Variants in EIF4B observed in about 807,000 individuals in gnomAD.
The protein encoded by EIF4B is eukaryotic translation initiation factor 4B.
EIF4B carries 8 observed loss-of-function variants against 79.3 expected under a neutral mutation model. The observed-to-expected ratio is 0.10, with a 90% CI of 0.06 to 0.18. The LOEUF is 0.18. Ranked by LOEUF, EIF4B falls within the 10% of genes least tolerant of loss-of-function variation. EIF4B has a pLI of 1.00. For synonymous variants in EIF4B, 238 were observed against 274.7 expected (o/e 0.87, Z 1.32); for missense variants, 515 against 792.4 (o/e 0.65, Z 4.20).
At chr12:53,022,839 G>A (rs1943269352) in intron 6 of EIF4B, among the ~76,000 whole-genome samples, 1 of 152,072 alleles carries the variant, frequency 6.6e-6, no homozygotes, top group Non-Finnish European at 1.5e-5. Context: ...ACCAAACAAA[G>A]GGACAGACAT....
chr12:53,038,435 G>T lies in EIF4B; in HGVS notation c.1576+24G>T, dbSNP rs1287921647. 4 of 1,561,472 alleles carry T rather than the reference G, an allele frequency of 2.6e-6. No individual in the cohort carries two copies. The Admixed American group carries it at 8.1e-5, about 32-fold the overall frequency. On this transcript the variant is annotated intron_variant, in intron 12 of 14. Transcript: ENST00000262056. The stretch of plus-strand genomic sequence containing the variant: ...AGGTGAGCTCATAGTATGGGAAATA[G>T]GTTTTTCACCTAGAAGCCTAAATAA...
In EIF4B at chr12:53,041,034, C is replaced by G. The variant is rs1184576725; in HGVS notation, c.*811C>G. 1 of 152,162 alleles carries G rather than the reference C, an allele frequency of 6.6e-6. No individual in the cohort carries two copies. Among genetic ancestry groups the G allele is most frequent in the Admixed American group, 6.5e-5 (1 of 15,280 alleles). 9.4% of individuals were successfully genotyped at this position (152,162 alleles called of 1,614,324 possible). On this transcript the variant is annotated 3_prime_UTR_variant, in exon 15 of 15. Transcript: ENST00000262056. ...GGTAATTCCCAGTGTTTTCTGTGTC[C>G]TAGTTTTACCCTTTCTAAACACTGT...
rs565101325 is a variant in EIF4B at position 53,039,295 on chromosome 12, G to A, written c.1634G>A (p.Arg545His). Residue 545 changes from arginine (R) to histidine (H), a missense_variant, in exon 13 of 15, where the codon CGT becomes CAT. By Grantham distance (29) the Arg-to-His change is conservative. Around this residue, in one of 6 missense-constraint regions of EIF4B, gnomAD observed 146 missense variants for 228.0 expected, o/e 0.64. Coordinates refer to ENST00000262056, the MANE Select transcript of EIF4B (RefSeq NM_001417.7). ...AAAGGCCAAACTGGGAACTCTAGCC[G>A]TGGTCCAGGCGACGGAGGGAACAGA... Reference protein sequence around the residue: ...APKGQTGNSSRGPGDGGNRDH... With the variant: ...APKGQTGNSSHGPGDGGNRDH... 1.3e-4 allele frequency: 209 copies of A among 1,611,204 alleles called. 1 individual carries two copies. In the South Asian group the frequency reaches 1.8e-3, roughly 14 times the overall value.
chr12:53,006,619 G>A (rs1449242995), intron 1 of EIF4B, 123 bp downstream of exon 1: 6 of 1,551,580 alleles, frequency 3.9e-6, no homozygotes, highest in Admixed American at 3.5e-5. Context: ...GAGGGCTGCG[G>A]CAGGCTGGCG....
intron 8 of EIF4B, 148 bp downstream of exon 8, chr12:53,028,336 G>A (rs1943376154): frequency 6.1e-6 from 7 of 1,148,694 alleles, no homozygotes; most frequent in Non-Finnish European, 8.3e-6. Flanking sequence ...AAGAGCATTG[G>A]CTGGCCAGGT....
chr12:53,019,653 A>G (rs987863185), intron 3 of EIF4B, among the ~76,000 whole-genome samples: 14 of 145,236 alleles, frequency 9.6e-5, no homozygotes, highest in Admixed American at 9.3e-4. Context: ...GGCATGAGCC[A>G]CTGCACCTGG....
chr12:53,038,303 G>T, intron 11 of EIF4B, 53 bp from the exon 12 acceptor site: 1 of 1,508,112 alleles, frequency 6.6e-7, no homozygotes, highest in Non-Finnish European at 9.0e-7. Flanking sequence ...ATGTTTCTTG[G>T]TTGTTTTCTC....
chr12:53,015,870 C>T (rs550426950), intron 1 of EIF4B, among the ~76,000 whole-genome samples: 15 of 149,400 alleles, frequency 1.0e-4, no homozygotes, highest in Non-Finnish European at 1.8e-4. Context: ...CCCAAGTATT[C>T]GGGAGGCTGA....
intron 10 of EIF4B, among the ~76,000 whole-genome samples, chr12:53,036,431 CAG>C (rs1024260891): frequency 2.0e-5 from 3 of 151,834 alleles, no homozygotes; most frequent in African/African-American, 4.8e-5. Context: ...ATTTTTAAGA[CAG>C]GGTTTCATTC....
intron 12 of EIF4B, chr12:53,038,937 A>G (rs1156384120): frequency 4.2e-6 from 1 of 240,436 alleles, no homozygotes; most frequent in Non-Finnish European, 8.0e-6. Context: ...ACGGGGAGAA[A>G]AAAATCGGAA....
chr12:53,035,643 C>T (rs986608898), intron 10 of EIF4B, among the ~76,000 whole-genome samples: 2 of 151,790 alleles, frequency 1.3e-5, no homozygotes, highest in Admixed American at 1.3e-4. Flanking sequence ...ACTGGGATTA[C>T]AGGCGTCAGC....
At chr12:53,026,433 A>G (rs1437989903) in intron 6 of EIF4B, among the ~76,000 whole-genome samples, 2 of 152,166 alleles carry the variant, frequency 1.3e-5, no homozygotes, top group Non-Finnish European at 2.9e-5. Context: ...AGTTTATAAC[A>G]TAAACAACAT....
intron 1 of EIF4B, 132 bp downstream of exon 1, chr12:53,006,628 C>T (rs1267258717): frequency 1.1e-5 from 17 of 1,509,152 alleles, no homozygotes; most frequent in African/African-American, 2.8e-5. Flanking sequence ...GGCAGGCTGG[C>T]GGCGTGGCCC....
At chr12:53,025,963 T>C (rs1307431613) in intron 6 of EIF4B, among the ~76,000 whole-genome samples, 1 of 151,686 alleles carries the variant, frequency 6.6e-6, no homozygotes, top group Non-Finnish European at 1.5e-5. Flanking sequence ...AAAAAAAAAT[T>C]AGCCGGACAC....
chr12:53,010,934 A>G (rs983688935), intron 1 of EIF4B, among the ~76,000 whole-genome samples: 7 of 152,128 alleles, frequency 4.6e-5, no homozygotes, highest in East Asian at 1.9e-4. Flanking sequence ...GCTTTATTCA[A>G]TGTAATTTGT....
rs779728957 is a variant in EIF4B at position 53,016,551 on chromosome 12, G to A, written c.92G>A (p.Ser31Asn). ...LAEDGGTGGG[S>N]TYVSKPVSWA... ...GAGGATGGGGGTACTGGTGGAGGAAGCACCTATGTTTCCAAACCAGTCAGC... is the reference window on the plus strand; with the variant it reads ...GAGGATGGGGGTACTGGTGGAGGAAACACCTATGTTTCCAAACCAGTCAGC... Residue 31 changes from serine to asparagine, a missense_variant, in exon 2 of 15, where the codon AGC becomes AAC. Coordinates refer to ENST00000262056, the MANE Select transcript of EIF4B (RefSeq NM_001417.7). The A allele has an allele frequency of 6.2e-7, 1 of 1,613,416 alleles. No homozygotes were observed. Among genetic ancestry groups the A allele is most frequent in the East Asian group, 2.2e-5 (1 of 44,870 alleles).
At chr12:53,019,763 C>G in intron 3 of EIF4B, 147 bp from the exon 4 acceptor site, 1 of 634,054 alleles carries the variant, frequency 1.6e-6, no homozygotes, top group Non-Finnish European at 2.7e-6. Context: ...TACTATCCCT[C>G]TGCATCAGTT....
chr12:53,025,398 G>C lies in EIF4B; in HGVS notation c.668-2384G>C, dbSNP rs1335215506. The C allele has an allele frequency of 1.4e-5, 5 of 365,772 alleles. No individual in the cohort carries two copies. In the Admixed American group the frequency reaches 1.8e-4, roughly 13 times the overall value. 22.7% of individuals were successfully genotyped at this position (365,772 alleles called of 1,614,324 possible). On this transcript the variant is annotated intron_variant, in intron 6 of 14. Coordinates refer to ENST00000262056, the MANE Select transcript of EIF4B (RefSeq NM_001417.7). ...GCCCCAAAGTCAACTTAGTTAACCT[G>C]AATTAAAGATCCAGAGACTCCTGTC...
At chr12:53,034,063 A>AGGAATCCG (rs1339676921) in intron 9 of EIF4B, 29 bp downstream of exon 9, 1 of 1,581,298 alleles carries the variant, frequency 6.3e-7, no homozygotes, top group East Asian at 2.3e-5. Context: ...TATCCCATCT[A>AGGAATCCG]GGAATCCGGT....
Sources: gnomAD v4.1 joint callset for allele counts (sites outside exome capture counted in the v4.1 genomes callset) on GRCh38, gnomAD v4.1.1 for gene constraint, gnomAD v4.1.1 regional missense constraint, MANE v1.5 for transcripts, NCBI Gene and HGNC (gene_info 2026-07-23, HGNC 2026-07-21) for gene names.